NBPF12: variants seen among roughly 807,000 people sequenced by gnomAD.
The protein encoded by NBPF12 is NBPF member 12, also known as NBPF family member NBPF12.
NBPF12 carries 115 observed loss-of-function variants against 146.4 expected under a neutral mutation model. The ratio of observed to expected loss-of-function variants is 0.79; its 90% CI spans 0.68 to 0.92. NBPF12 has a LOEUF of 0.92. NBPF12 is among the 40% of genes least tolerant of loss of function. NBPF12 has a pLI of 0.00. For synonymous variants in NBPF12, 385 were observed against 508.9 expected, an observed-to-expected ratio of 0.76 and a Z score of 3.28; for missense variants, 1,205 against 1,326.8, an observed-to-expected ratio of 0.91 and a Z score of 1.43.
At chr1:146,985,992 G>C (rs1657730779) in intron 23 of NBPF12, among the ~76,000 whole-genome samples, 2 of 151,692 alleles carry the variant, frequency 1.3e-5, no homozygotes, top group Non-Finnish European at 2.9e-5. Flanking sequence ...GCAACTGCAT[G>C]GAATCTTGAG....
In NBPF12 at chr1:146,967,678, G is replaced by T. The variant is rs1467964180; in HGVS notation, c.989-770G>T. On this transcript the variant is annotated intron_variant, in intron 9 of 33. Coordinates refer to ENST00000617844, the Ensembl canonical transcript of NBPF12. ...GCAGGGACCGTGGGCCTGTCTCCTG[G>T]GCTCCATCCAAGGTGCTTGTCTTGT... 3.7e-3 allele frequency among the ~76,000 whole-genome samples: 554 copies of T among 148,400 alleles called. 1 individual carries two copies. Among genetic ancestry groups the T allele is most frequent in the African/African-American group, 0.014 (529 of 38,550 alleles).
At chr1:146,983,084 C>T in exon 20 of NBPF12, 1 of 1,591,584 alleles carries the variant, frequency 6.3e-7, no homozygotes, top group Non-Finnish European at 8.5e-7. Context: ...TGGCTGTTGA[C>T]ATAGGCAGTG....
At chr1:146,964,494 C>T in intron 7 of NBPF12, 65 bp downstream of exon 10, 3 of 1,590,644 alleles carry the variant, frequency 1.9e-6, no homozygotes, top group South Asian at 1.1e-5. Context: ...GAAGGCACAC[C>T]CTCTCTGGCA....
At chr1:146,994,531 A>T in exon 34 of NBPF12, 2 of 1,609,688 alleles carry the variant, frequency 1.2e-6, no homozygotes, top group Non-Finnish European at 1.7e-6. Context: ...GACGGTGACA[A>T]GTCTCCACCT....
At chr1:146,946,512 C>CTTTTTTTTTTTTTTTT (rs3071268), upstream of NBPF12, among the ~76,000 whole-genome samples, 1 of 41,042 alleles carries the variant, frequency 2.4e-5, no homozygotes, top group African/African-American at 1.0e-4. Context: ...GATCTTTCAC[C>CTTTTTTTTTTTTTTTT]TTTTTTTTTT....
chr1:146,962,722 C>T (rs1396356176), intron 5 of NBPF12, among the ~76,000 whole-genome samples: 1 of 148,502 alleles, frequency 6.7e-6, no homozygotes, highest in African/African-American at 2.5e-5. Context: ...GGCCTCATTT[C>T]TGTACATGGC....
chr1:146,967,458 G>C (rs1656279353), intron 9 of NBPF12, among the ~76,000 whole-genome samples: 1 of 149,562 alleles, frequency 6.7e-6, no homozygotes, highest in Non-Finnish European at 1.5e-5. Context: ...CCAAGATTTT[G>C]CCATTGCACT....
chr1:146,969,466 C>T (rs1294156817), exon 11 of NBPF12: 1 of 1,372,706 alleles, frequency 7.3e-7, no homozygotes, highest in Non-Finnish European at 1.0e-6. Context: ...ATGCCTCCCG[C>T]TCATTGAATG....
At position 146,972,483 on chromosome 1, in the gene NBPF12, G is replaced by A. The variant is rs1156375070; in HGVS notation, c.1592-268G>A. Among the ~76,000 whole-genome samples the A allele has an allele frequency of 5.7e-4, 86 of 151,624 alleles. 4 individuals carry two copies. Among genetic ancestry groups the A allele is most frequent in the South Asian group, 2.7e-3 (13 of 4,816 alleles). Reference sequence around the variant, plus strand: ...CACAGAAACATTGGCCACTCATGGGGTAAAAATCTCAGGGCCAAGCCTTGC... The same window carrying A: ...CACAGAAACATTGGCCACTCATGGGATAAAAATCTCAGGGCCAAGCCTTGC... On this transcript the variant is annotated intron_variant, in intron 13 of 33. Coordinates refer to ENST00000617844, the Ensembl canonical transcript of NBPF12.
intron 2 of NBPF12, among the ~76,000 whole-genome samples, chr1:146,954,171 C>A (rs1216873133): frequency 1.3e-5 from 2 of 150,304 alleles, no homozygotes; most frequent in Non-Finnish European, 2.9e-5. Flanking sequence ...GTGGGCAGAT[C>A]ATGAGGTCAG....
chr1:146,965,082 G>C, exon 8 of NBPF12: 1 of 1,599,382 alleles, frequency 6.3e-7, no homozygotes, highest in Non-Finnish European at 8.5e-7. Flanking sequence ...ATGAATGTCA[G>C]GATGCTCTAA....
chr1:146,971,998 G>A (rs1432667011), intron 13 of NBPF12, among the ~76,000 whole-genome samples: 1 of 149,012 alleles, frequency 6.7e-6, no homozygotes, highest in Non-Finnish European at 1.5e-5. Context: ...TGAGGCAGGA[G>A]AATGGCATGA....
chr1:146,969,341 A>G, intron 10 of NBPF12, 41 bp from the exon 14 acceptor site: 1 of 761,974 alleles, frequency 1.3e-6, no homozygotes, highest in Admixed American at 2.1e-5. Flanking sequence ...GGATCACTCA[A>G]CCCTTTCCAC....
exon 14 of NBPF12, chr1:146,972,780 G>A (rs1553886769): frequency 1.6e-4 from 202 of 1,238,980 alleles, no homozygotes; most frequent in Middle Eastern, 5.3e-4. Flanking sequence ...TGCCACAAAC[G>A]TCAGCATGGT....
At chr1:146,987,480 C>A (rs1657845840) in intron 25 of NBPF12, among the ~76,000 whole-genome samples, 195 bp downstream of exon 28, 1 of 152,070 alleles carries the variant, frequency 6.6e-6, no homozygotes, top group South Asian at 2.1e-4. Context: ...CATTTACTAA[C>A]CTACTGCAGG....
Position 146,992,630 on chromosome 1 carries a change from T to C in NBPF12, c.3849-82T>C, listed in dbSNP as rs1187567216. On this transcript the variant is annotated intron_variant, in intron 31 of 33. Transcript: ENST00000617844. The stretch of plus-strand genomic sequence containing the variant: ...CTTTTACTTTTTTTAACCACTTCCT[T>C]ATGCTACCCATGAAACCTAGTTGGG... The C allele has an allele frequency of 1.8e-5, 14 of 775,090 alleles. 1 individual carries two copies. The highest frequency in any genetic ancestry group is 7.0e-4 in the Middle Eastern group (2 of 2,876). The allele number at this position is 775,090 out of a possible 1,614,324, so 48.0% of individuals were successfully genotyped here. A position where few individuals can be genotyped will look rare whatever the true frequency, so the allele number is the denominator to read the frequency against.
chr1:146,954,879 ACC>A (rs1553884217), intron 2 of NBPF12, among the ~76,000 whole-genome samples: 1 of 118,266 alleles, frequency 8.5e-6, no homozygotes, highest in Admixed American at 9.6e-5. Flanking sequence ...ATGTATACAC[ACC>A]CACACACACA....
intron 1 of NBPF12, among the ~76,000 whole-genome samples, chr1:146,940,173 T>C (rs2101802507): frequency 6.6e-6 from 1 of 152,218 alleles, no homozygotes; most frequent in African/African-American, 2.4e-5. Flanking sequence ...TTGAATTTAA[T>C]TAGTAAAATT....
chr1:146,970,808 A>T, intron 12 of NBPF12, 89 bp downstream of exon 15: 1 of 1,134,448 alleles, frequency 8.8e-7, no homozygotes, highest in Non-Finnish European at 1.3e-6. Flanking sequence ...ATGATGGGCC[A>T]AAAGCCCGCA....
Sources: allele counts gnomAD v4.1 joint callset (sites outside exome capture counted in the v4.1 genomes callset), GRCh38; gene constraint gnomAD v4.1.1; transcripts MANE v1.5; gene names NCBI Gene and HGNC (gene_info 2026-07-23, HGNC 2026-07-21).